Variants in BRAT1 observed in about 807,000 individuals in gnomAD.
BRAT1 encodes the protein BRCA1 associated ATM activator 1.
A neutral mutation model predicts 70.6 loss-of-function variants in BRAT1; 74 were observed. The observed-to-expected ratio is 1.05, with a 90% CI of 0.87 to 1.27. BRAT1 has a LOEUF of 1.27. BRAT1 is among the 50% of genes most tolerant of loss of function. The pLI, the probability that BRAT1 is intolerant of heterozygous loss-of-function variation, is 0.00. For synonymous variants in BRAT1, 615 were observed against 517.1 expected (o/e 1.19, Z -2.57); for missense variants, 1,203 against 1,098.2 (o/e 1.10, Z -1.35).
Position 2,545,496 on chromosome 7 carries a change from C to CTTCTTCTTT in BRAT1, c.283-441_283-440insAAAGAAGAA, listed in dbSNP as rs1554296640. On this transcript the variant is annotated intron_variant, in intron 3 of 13. Coordinates refer to ENST00000340611, the MANE Select transcript of BRAT1 (RefSeq NM_152743.4). The stretch of plus-strand genomic sequence containing the variant: ...TACTTCTGGAGGACACTTTCTTCTT[C>CTTCTTCTTT]TTTTTTTTTTTTTTGAGACAGTCCC... 5.7e-4 allele frequency among the ~76,000 whole-genome samples: 74 copies of CTTCTTCTTT among 130,008 alleles called. 2 individuals are homozygous for CTTCTTCTTT. Among genetic ancestry groups the CTTCTTCTTT allele is most frequent in the African/African-American group, 2.1e-3 (72 of 33,656 alleles). 85.3% of individuals were successfully genotyped at this position (130,008 alleles called of 152,430 possible).
intron 13 of BRAT1, 126 bp from the exon 14 acceptor site, chr7:2,538,890 C>T: frequency 1.9e-5 from 29 of 1,494,784 alleles, no homozygotes; most frequent in Non-Finnish European, 2.6e-5. Flanking sequence ...CCCGCTCTGA[C>T]ACCTTCCCAT....
At chr7:2,552,164 C>A (rs1211376648) in intron 2 of BRAT1, among the ~76,000 whole-genome samples, 1 of 117,382 alleles carries the variant, frequency 8.5e-6, no homozygotes. Flanking sequence ...ATTGCCCTGG[C>A]TGGAGTGCAA....
Position 2,538,510 on chromosome 7 carries a change from A to G in BRAT1, c.2025T>C (p.Tyr675=), listed in dbSNP as rs968879693. 2 of 1,610,302 alleles carry G rather than the reference A, an allele frequency of 1.2e-6. No individual in the cohort carries two copies. The highest frequency in any genetic ancestry group is 1.7e-6 in the Non-Finnish European group (2 of 1,179,728). The change falls in exon 14 of 14, where the codon TAT becomes TAC. Residue 675 remains tyrosine (Y), a synonymous_variant. Coordinates refer to ENST00000340611, the MANE Select transcript of BRAT1 (RefSeq NM_152743.4). The stretch of plus-strand genomic sequence containing the variant: ...GGGCCACCTCGGGTAGGGCCACGGC[A>G]TAGGGGCAGTGGGTACGCGGCGGCC... The part of the protein sequence containing the change: ...TLGPPRTHCP[Y]AVALPEVAPA...
In BRAT1 at chr7:2,538,408, A is replaced by G; in HGVS notation, c.2127T>C (p.Phe709=). The change falls in exon 14 of 14, where the codon TTT becomes TTC. Residue 709 remains phenylalanine (F), a synonymous_variant. Coordinates refer to ENST00000340611, the MANE Select transcript of BRAT1 (RefSeq NM_152743.4). ...GLFDFAFCAL[F]DCDRPVAQKS... ...TCTGCGCCACAGGGCGGTCGCAGTC[A>G]AACAAGGCACAAAAGGCGAAGTCAA... The G allele has an allele frequency of 6.2e-7, 1 of 1,613,434 alleles. No individual in the cohort carries two copies.
chr7:2,542,395 A>C, intron 6 of BRAT1, 184 bp from the exon 7 acceptor site: 1 of 612,836 alleles, frequency 1.6e-6, no homozygotes, highest in Non-Finnish European at 2.9e-6. Flanking sequence ...GACAGGCCTG[A>C]CCAAGGAGAT....
At position 2,539,975 on chromosome 7, in the gene BRAT1, C is replaced by T. The variant is rs945491251; in HGVS notation, c.1396-87G>A. 28 of 975,716 alleles carry T rather than the reference C, an allele frequency of 2.9e-5. No homozygotes were observed. In the Admixed American group the frequency reaches 3.1e-4, roughly 11 times the overall value. The allele number at this position is 975,716 out of a possible 1,614,324, so 60.4% of individuals were successfully genotyped here. Reference sequence around the variant, plus strand: ...CCCCCTCGCCTTCACCTGTGCTGCCCGTACTCCAGGGACAGCAATGGGGAC... The same window carrying T: ...CCCCCTCGCCTTCACCTGTGCTGCCTGTACTCCAGGGACAGCAATGGGGAC... On this transcript the variant is annotated intron_variant, in intron 10 of 13. Coordinates refer to ENST00000340611, the MANE Select transcript of BRAT1 (RefSeq NM_152743.4).
In BRAT1 at chr7:2,538,053, C is replaced by T. The variant is rs1454017991; in HGVS notation, c.*16G>A. On this transcript the variant is annotated 3_prime_UTR_variant, in exon 14 of 14. Transcript: ENST00000340611. ...CTCCCTTGGTCCTGAGCCCCAGTGG[C>T]AGACTCTGGTTCTGCTCAGTAGCAG... 1.3e-6 allele frequency: 2 copies of T among 1,527,238 alleles called. No homozygotes were observed. Among genetic ancestry groups the T allele is most frequent in the Admixed American group, 2.0e-5 (1 of 49,280 alleles). 94.6% of individuals were successfully genotyped at this position (1,527,238 alleles called of 1,614,324 possible). A position where few individuals can be genotyped will look rare whatever the true frequency, so the allele number is the denominator to read the frequency against.
chr7:2,542,263 G>T, intron 6 of BRAT1, 52 bp from the exon 7 acceptor site: 1 of 1,452,496 alleles, frequency 6.9e-7, no homozygotes. Context: ...AGACAAGTTG[G>T]CTGTGCTCCT....
chr7:2,541,908 G>A, intron 7 of BRAT1, 72 bp from the exon 8 acceptor site: 3 of 1,509,910 alleles, frequency 2.0e-6, no homozygotes, highest in Admixed American at 3.4e-5. Context: ...CCACCCCACG[G>A]TCACCACCCA....
chr7:2,555,106 G>A (rs965562203), intron 1 of BRAT1, among the ~76,000 whole-genome samples: 3 of 151,882 alleles, frequency 2.0e-5, no homozygotes, highest in Non-Finnish European at 2.9e-5. Flanking sequence ...GGGGGGAGAG[G>A]GGGGCGGCGG....
In BRAT1 at chr7:2,543,399, T is replaced by C; in HGVS notation, c.804-76A>G. The C allele has an allele frequency of 6.6e-7, 1 of 1,506,660 alleles. No individual in the cohort carries two copies. Among genetic ancestry groups the C allele is most frequent in the Non-Finnish European group, 8.9e-7 (1 of 1,128,712 alleles). The allele number at this position is 1,506,660 out of a possible 1,614,324, so 93.3% of individuals were successfully genotyped here. The stretch of plus-strand genomic sequence containing the variant: ...ATTCGAGGCCTGGCTGAGACTGCCA[T>C]GGCTCCGGCACTGGAGGCGCCCAGC... On this transcript the variant is annotated intron_variant, in intron 5 of 13. Coordinates refer to ENST00000340611, the MANE Select transcript of BRAT1 (RefSeq NM_152743.4). This position sits in a 1 kb window ranked among gnomAD's most constrained non-coding sequence, Gnocchi z 5.5.
rs1172100720 is a variant in BRAT1 at position 2,539,885 on chromosome 7, G to A, written c.1399C>T (p.Leu467=). The change falls in exon 11 of 14, where the codon CTG becomes TTG. Residue 467 remains leucine, a synonymous_variant. Coordinates refer to ENST00000340611, the MANE Select transcript of BRAT1 (RefSeq NM_152743.4). ...AGCGTGGCCTGGAAGGCCTTCTTCA[G>A]AACCTGGAGCAGATAGGGTGGGCTG... ...LESPGSSPTV[L]KKAFQATLRW... 1 of 1,560,580 alleles carries A rather than the reference G, an allele frequency of 6.4e-7. No homozygotes were observed. Among genetic ancestry groups the A allele is most frequent in the African/African-American group, 1.4e-5 (1 of 73,184 alleles).
Position 2,543,361 on chromosome 7 carries a change from C to T in BRAT1, c.804-38G>A, listed in dbSNP as rs755023265. The T allele has an allele frequency of 7.1e-6, 11 of 1,541,024 alleles. No individual in the cohort carries two copies. The African/African-American group carries it at 8.3e-5, about 12-fold the overall frequency. ...CCCAGAGAGAAAAATTACTCCCCCA[C>T]CCTCAAAACCCCATTCGAGGCCTGG... On this transcript the variant is annotated intron_variant, in intron 5 of 13. Transcript: ENST00000340611. The surrounding 1 kb of genome is among the most constrained non-coding windows in gnomAD (Gnocchi z 5.5).
intron 10 of BRAT1, 178 bp downstream of exon 10, chr7:2,540,801 G>A (rs912251758): frequency 3.5e-6 from 2 of 576,864 alleles, no homozygotes; most frequent in Non-Finnish European, 2.8e-6. Flanking sequence ...TCACCAACAA[G>A]AGGCCCTGGG....
rs1778802726 is a variant in BRAT1, at chr7:2,537,872, A to T, written c.*197T>A. ...AGGGTTAAAGAAAGACTTCAATGCCATTTATTTTGAGTAGAAATAAGTCAT... is the reference window on the plus strand; with the variant it reads ...AGGGTTAAAGAAAGACTTCAATGCCTTTTATTTTGAGTAGAAATAAGTCAT... On this transcript the variant is annotated 3_prime_UTR_variant, in exon 14 of 14. Coordinates refer to ENST00000340611, the MANE Select transcript of BRAT1 (RefSeq NM_152743.4). 2.2e-6 allele frequency: 2 copies of T among 905,342 alleles called. No individual in the cohort carries two copies. The highest frequency in any genetic ancestry group is 3.0e-6 in the Non-Finnish European group (2 of 660,888). 56.1% of individuals were successfully genotyped at this position (905,342 alleles called of 1,614,324 possible). A position where few individuals can be genotyped will look rare whatever the true frequency, so the allele number is the denominator to read the frequency against.
chr7:2,553,189 C>T (rs1050185378), intron 2 of BRAT1, among the ~76,000 whole-genome samples: 4 of 152,080 alleles, frequency 2.6e-5, no homozygotes, highest in Admixed American at 2.6e-4. Context: ...TGCCACCATG[C>T]CCGGCTAATT....
rs987916090 is a variant in BRAT1, at chr7:2,543,135, G to T, written c.923+69C>A. On this transcript the variant is annotated intron_variant, in intron 6 of 13. Coordinates refer to ENST00000340611, the MANE Select transcript of BRAT1 (RefSeq NM_152743.4). The surrounding 1 kb of genome is among the most constrained non-coding windows in gnomAD (Gnocchi z 5.5). ...GGAACTCCCCTGCCATGAGGGCTGC[G>T]CTCTCAACCTCCCTGCCTGCCCCAG... is the stretch of plus-strand genomic sequence containing the variant. 2.4e-5 allele frequency: 35 copies of T among 1,483,232 alleles called. No homozygotes were observed. Among genetic ancestry groups the T allele is most frequent in the Non-Finnish European group, 3.1e-5 (35 of 1,114,334 alleles). 91.9% of individuals were successfully genotyped at this position (1,483,232 alleles called of 1,614,324 possible). A position where few individuals can be genotyped will look rare whatever the true frequency, so the allele number is the denominator to read the frequency against.
chr7:2,539,388 G>A (rs1778964853), intron 12 of BRAT1, 37 bp from the exon 13 acceptor site: 6 of 1,577,150 alleles, frequency 3.8e-6, no homozygotes, highest in South Asian at 3.4e-5. Context: ...CTGTGACTGA[G>A]GGCCGAGCCT....
In BRAT1 at chr7:2,538,063, T is replaced by C; in HGVS notation, c.*6A>G. On this transcript the variant is annotated 3_prime_UTR_variant, in exon 14 of 14. Coordinates refer to ENST00000340611, the MANE Select transcript of BRAT1 (RefSeq NM_152743.4). Reference sequence around the variant, plus strand: ...CCTGAGCCCCAGTGGCAGACTCTGGTTCTGCTCAGTAGCAGTCGGCCTCGT... The same window carrying C: ...CCTGAGCCCCAGTGGCAGACTCTGGCTCTGCTCAGTAGCAGTCGGCCTCGT... The C allele has an allele frequency of 6.5e-7, 1 of 1,548,242 alleles. No individual in the cohort carries two copies. The highest frequency in any genetic ancestry group is 1.9e-5 in the Admixed American group (1 of 53,802).
Sources: gnomAD v4.1 joint callset for allele counts (sites outside exome capture counted in the v4.1 genomes callset) on GRCh38, gnomAD v4.1.1 for gene constraint, Gnocchi (gnomAD v3.1) non-coding constraint, MANE v1.5 for transcripts, NCBI Gene and HGNC (gene_info 2026-07-23, HGNC 2026-07-21) for gene names.